The following ABCD2 variants were observed in gnomAD, a reference collection of about 807,000 sequenced individuals.
ABCD2 encodes ATP binding cassette subfamily D member 2.
In ABCD2, 36 loss-of-function variants were observed where a neutral mutation model predicts 70.9. The ratio of observed to expected loss-of-function variants is 0.51; its 90% CI spans 0.39 to 0.67. The LOEUF is 0.67. Ranked by LOEUF, ABCD2 falls within the 30% of genes least tolerant of loss-of-function variation. The pLI is 0.00. For missense variants in ABCD2, 729 were observed against 890.2 expected, an observed-to-expected ratio of 0.82 and a Z score of 2.30; for synonymous variants, 304 against 306.9, an observed-to-expected ratio of 0.99 and a Z score of 0.10.
intron 9 of ABCD2, among the ~76,000 whole-genome samples, chr12:39,567,221 G>A (rs149709024): frequency 0.05 from 7,561 of 152,164 alleles, 284 homozygotes; most frequent in African/African-American, 0.1. Context: ...GTCTAATGTC[G>A]ACAGTGGGGT....
Position 39,554,029 on chromosome 12 carries a change from C to T in ABCD2, c.2106G>A (p.Lys702=). ...GAATTCCAGCTAGCTGAGATTCTAGCTTTTGTTTTTCTTCACTCAATGTCA... is the reference window on the plus strand; with the variant it reads ...GAATTCCAGCTAGCTGAGATTCTAGTTTTTGTTTTTCTTCACTCAATGTCA... The part of the protein sequence containing the change: ...IRLTLSEEKQ[K]LESQLAGIPK... Residue 702 remains lysine, a synonymous_variant, in exon 10 of 10, where the codon AAG becomes AAA. Transcript: ENST00000308666. 6.2e-7 allele frequency: 1 copy of T among 1,613,626 alleles called. No individual in the cohort carries two copies. The highest frequency in any genetic ancestry group is 8.5e-7 in the Non-Finnish European group (1 of 1,179,836).
At chr12:39,606,517 T>G (rs1279203639) in intron 3 of ABCD2, among the ~76,000 whole-genome samples, 1 of 152,254 alleles carries the variant, frequency 6.6e-6, no homozygotes, top group Non-Finnish European at 1.5e-5. Context: ...TAATGTGAGA[T>G]AAATAAAATT....
At chr12:39,582,098 T>C (rs979461582) in intron 7 of ABCD2, among the ~76,000 whole-genome samples, 1 of 152,236 alleles carries the variant, frequency 6.6e-6, no homozygotes, top group Non-Finnish European at 1.5e-5. Context: ...ATTTAAGTGT[T>C]TTCCTGCCTT....
At chr12:39,582,868 T>TC (rs1041317627) in intron 7 of ABCD2, among the ~76,000 whole-genome samples, 1 of 152,102 alleles carries the variant, frequency 6.6e-6, no homozygotes, top group Non-Finnish European at 1.5e-5. Context: ...TAATTTTTTT[T>TC]TTTTTTTTTA....
rs966775563 is a variant in ABCD2 at position 39,551,394 on chromosome 12, A to C, written c.*2518T>G. On this transcript the variant is annotated 3_prime_UTR_variant, in exon 10 of 10. Coordinates refer to ENST00000308666, the MANE Select transcript of ABCD2 (RefSeq NM_005164.4). ...ATATTCTTTCTTTTTTCCTTTCCTC[A>C]TCTATCCCTTGCTGTATTCAAAAAT... 1 of 151,564 alleles carries C rather than the reference A, an allele frequency of 6.6e-6. No individual in the cohort carries two copies. Among genetic ancestry groups the C allele is most frequent in the African/African-American group, 2.4e-5 (1 of 41,358 alleles). The allele number at this position is 151,564 out of a possible 1,614,324, so 9.4% of individuals were successfully genotyped here.
intron 7 of ABCD2, among the ~76,000 whole-genome samples, chr12:39,584,360 T>C (rs1322014674): frequency 6.6e-6 from 1 of 151,988 alleles, no homozygotes; most frequent in East Asian, 1.9e-4. Context: ...TTTGTAATGG[T>C]GTTGTTTGTT....
downstream of ABCD2, among the ~76,000 whole-genome samples, chr12:39,546,611 A>G (rs1045846368): frequency 2.0e-5 from 3 of 152,170 alleles, no homozygotes; most frequent in African/African-American, 7.2e-5. Flanking sequence ...GTCTGAGATT[A>G]TGTGACAAAT....
At chr12:39,616,540 A>G (rs192583967) in intron 2 of ABCD2, among the ~76,000 whole-genome samples, 2 of 152,238 alleles carry the variant, frequency 1.3e-5, no homozygotes, top group African/African-American at 4.8e-5. Flanking sequence ...TAGTCAATGG[A>G]CTTTTCAAAT....
intron 9 of ABCD2, among the ~76,000 whole-genome samples, chr12:39,569,964 A>G (rs1472268717): frequency 1.3e-5 from 2 of 152,234 alleles, no homozygotes; most frequent in African/African-American, 2.4e-5. Context: ...GAAAAAAATC[A>G]AGGAAACAAT....
intron 9 of ABCD2, among the ~76,000 whole-genome samples, chr12:39,559,361 G>A (rs953030749): frequency 8.0e-6 from 1 of 125,042 alleles, no homozygotes; most frequent in Non-Finnish European, 1.6e-5. Context: ...TGGGTGACAA[G>A]AGTGAGACTC....
intron 9 of ABCD2, among the ~76,000 whole-genome samples, chr12:39,566,122 A>G (rs1941343280): frequency 6.6e-6 from 1 of 152,190 alleles, no homozygotes; most frequent in Non-Finnish European, 1.5e-5. Flanking sequence ...CGGCTTTGGT[A>G]TCAGGATGAT....
At chr12:39,592,967 C>T (rs1941766759) in intron 6 of ABCD2, among the ~76,000 whole-genome samples, 1 of 152,190 alleles carries the variant, frequency 6.6e-6, no homozygotes, top group African/African-American at 2.4e-5. Flanking sequence ...TTTTTAAAAT[C>T]TGAGATCTTG....
downstream of ABCD2, among the ~76,000 whole-genome samples, chr12:39,545,330 T>C (rs1176628243): frequency 3.9e-5 from 6 of 152,156 alleles, no homozygotes; most frequent in African/African-American, 9.7e-5. Context: ...CTCGCTCTTA[T>C]CACCCATGCT....
At chr12:39,574,596 C>T (rs1591977466) in intron 8 of ABCD2, among the ~76,000 whole-genome samples, 3 of 151,986 alleles carry the variant, frequency 2.0e-5, no homozygotes, top group African/African-American at 7.2e-5. Flanking sequence ...TCCCTTTCTT[C>T]TTTCAAGTCC....
chr12:39,615,246 C>T (rs542949864), intron 2 of ABCD2, among the ~76,000 whole-genome samples: 7 of 151,878 alleles, frequency 4.6e-5, no homozygotes, highest in East Asian at 3.9e-4. Flanking sequence ...ACTAACAAAA[C>T]TACATCATAA....
At position 39,553,609 on chromosome 12, in the gene ABCD2, G is replaced by C; in HGVS notation, c.*303C>G. The C allele has an allele frequency of 4.0e-6, 1 of 253,136 alleles. No homozygotes were observed. 15.7% of individuals were successfully genotyped at this position (253,136 alleles called of 1,614,324 possible). A position where few individuals can be genotyped will look rare whatever the true frequency, so the allele number is the denominator to read the frequency against. ...TTGCCCATGTTTGTTAAGAACTTCA[G>C]ACACACCACATATACATAGTAAATC... is the stretch of plus-strand genomic sequence containing the variant. On this transcript the variant is annotated 3_prime_UTR_variant, in exon 10 of 10. Transcript: ENST00000308666.
At chr12:39,606,879 C>T (rs950977972) in intron 3 of ABCD2, among the ~76,000 whole-genome samples, 1 of 152,220 alleles carries the variant, frequency 6.6e-6, no homozygotes, top group Non-Finnish European at 1.5e-5. Flanking sequence ...ATTAACCACA[C>T]AGTATTCCAA....
chr12:39,546,641 G>C (rs1412482070), downstream of ABCD2, among the ~76,000 whole-genome samples: 1 of 152,064 alleles, frequency 6.6e-6, no homozygotes, highest in Non-Finnish European at 1.5e-5. Flanking sequence ...TTGGTTGAAT[G>C]AATGAATGAG....
chr12:39,542,811 A>G, the ABCD2 span, among the ~76,000 whole-genome samples: 1 of 152,172 alleles, frequency 6.6e-6, no homozygotes, highest in Non-Finnish European at 1.5e-5. Context: ...GGTGGCAGAA[A>G]TGTAAAGGGT....
Sources: gnomAD v4.1 joint callset for allele counts (sites outside exome capture counted in the v4.1 genomes callset) on GRCh38, gnomAD v4.1.1 for gene constraint, MANE v1.5 for transcripts, NCBI Gene and HGNC (gene_info 2026-07-23, HGNC 2026-07-21) for gene names.